Variants in ZSWIM6 observed in about 807,000 individuals in gnomAD.
The protein encoded by ZSWIM6 is zinc finger SWIM-type containing 6.
A neutral mutation model predicts 113.2 loss-of-function variants in ZSWIM6; 9 were observed. The ratio of observed to expected loss-of-function variants is 0.08; its 90% confidence interval spans 0.05 to 0.14. ZSWIM6 has a LOEUF of 0.14. Among genes scored for constraint, ZSWIM6 ranks in the 10% least tolerant of loss-of-function variants. The pLI is 1.00. For missense variants in ZSWIM6, 1,162 were observed against 1,552.2 expected (o/e 0.75, Z 4.22); for synonymous variants, 611 against 606.5 (o/e 1.01, Z -0.11).
chr5:61,355,104 A>C (rs551857491), intron 1 of ZSWIM6, among the ~76,000 whole-genome samples: 1 of 152,244 alleles, frequency 6.6e-6, no homozygotes, highest in South Asian at 2.1e-4. Flanking sequence ...TCACAATTCT[A>C]CTAGCCCCAC....
chr5:61,358,451 A>G (rs1376759615), intron 1 of ZSWIM6, among the ~76,000 whole-genome samples: 2 of 152,206 alleles, frequency 1.3e-5, no homozygotes, highest in African/African-American at 4.8e-5. Flanking sequence ...TTCCCACTTG[A>G]TAGGGAACTG....
At position 61,494,332 on chromosome 5, in the gene ZSWIM6, G is replaced by T; in HGVS notation, c.1255G>T (p.Ala419Ser). 6.4e-7 allele frequency: 1 copy of T among 1,551,138 alleles called. No individual in the cohort carries two copies. The highest frequency in any genetic ancestry group is 8.7e-7 in the Non-Finnish European group (1 of 1,146,606). Residue 419 changes from alanine to serine, a missense_variant, in exon 4 of 14, where the codon GCT becomes TCT. By Grantham distance (99) the Ala-to-Ser change is moderately conservative. Coordinates refer to ENST00000252744, the MANE Select transcript of ZSWIM6 (RefSeq NM_020928.2). Reference protein sequence around the residue: ...MLTLITEQFMADPRLSLWRQQ... With the variant: ...MLTLITEQFMSDPRLSLWRQQ... The stretch of plus-strand genomic sequence containing the variant: ...GACCTTGATAACAGAGCAATTCATG[G>T]CTGACCCTCGCCTGTCACTTTGGCG...
intron 1 of ZSWIM6, among the ~76,000 whole-genome samples, chr5:61,462,927 C>T (rs996812974): frequency 1.3e-5 from 2 of 152,182 alleles, no homozygotes; most frequent in African/African-American, 4.8e-5. Flanking sequence ...CTTGTGCCAT[C>T]CTGCATTCTG....
chr5:61,444,160 A>G (rs1464571093), intron 1 of ZSWIM6, among the ~76,000 whole-genome samples: 1 of 129,220 alleles, frequency 7.7e-6, no homozygotes, highest in Non-Finnish European at 1.5e-5. Flanking sequence ...ATGTGTTCTC[A>G]TTGTTCAATT....
At chr5:61,422,706 A>G (rs1746379572) in intron 1 of ZSWIM6, among the ~76,000 whole-genome samples, 1 of 152,176 alleles carries the variant, frequency 6.6e-6, no homozygotes, top group Non-Finnish European at 1.5e-5. Flanking sequence ...AACATGGAGT[A>G]TATTTCCATT....
intron 1 of ZSWIM6, among the ~76,000 whole-genome samples, chr5:61,449,326 C>T (rs1298315310): frequency 6.6e-6 from 1 of 152,062 alleles, no homozygotes; most frequent in East Asian, 1.9e-4. Flanking sequence ...TGTAATGAAG[C>T]ATTCTTTATT....
At position 61,369,220 on chromosome 5, in the gene ZSWIM6, C is replaced by G. The variant is rs375242757; in HGVS notation, c.676+36272C>G. ...GTGACTTTAATAGCAAATGTAGCAG[C>G]CTTGGTTAACTAAAATGCCTCAGTC... On this transcript the variant is annotated intron_variant, in intron 1 of 13. Transcript: ENST00000252744. Among the ~76,000 whole-genome samples, 17 of 152,234 alleles carry G rather than the reference C, an allele frequency of 1.1e-4. No homozygotes were observed. The East Asian group carries it at 3.1e-3, about 28-fold the overall frequency.
chr5:61,411,966 C>T (rs946247736), intron 1 of ZSWIM6, among the ~76,000 whole-genome samples: 1 of 152,164 alleles, frequency 6.6e-6, no homozygotes. Context: ...TAATCAAAGA[C>T]ATTATAGCTG....
intron 4 of ZSWIM6, among the ~76,000 whole-genome samples, chr5:61,500,343 G>T (rs945912817): frequency 1.3e-5 from 2 of 151,828 alleles, no homozygotes; most frequent in African/African-American, 4.8e-5. Context: ...AACCAGGCTG[G>T]TCTCGAACTC....
chr5:61,389,278 G>A (rs969887319), intron 1 of ZSWIM6, among the ~76,000 whole-genome samples: 2 of 152,038 alleles, frequency 1.3e-5, no homozygotes, highest in Non-Finnish European at 2.9e-5. Flanking sequence ...CAGCTTGGCC[G>A]GGCGCGGTAG....
intron 2 of ZSWIM6, among the ~76,000 whole-genome samples, chr5:61,487,657 G>A (rs942367703): frequency 4.0e-5 from 6 of 151,694 alleles, no homozygotes; most frequent in Admixed American, 2.0e-4. Flanking sequence ...GGTACTTACC[G>A]TAAGTAGGAT....
At chr5:61,542,030 C>T (rs1430691847) in intron 13 of ZSWIM6, 65 bp downstream of exon 13, 4 of 1,398,458 alleles carry the variant, frequency 2.9e-6, no homozygotes, top group Non-Finnish European at 4.0e-6. Context: ...TTGTCAGTTA[C>T]AGACATGTGA....
rs1491156987 is a variant in ZSWIM6, at chr5:61,516,534, CTT to C, written c.1334-4728_1334-4727del. On this transcript the variant is annotated intron_variant, in intron 4 of 13. Transcript: ENST00000252744. ...TTTAACATGGCAAATATATATATAT[CTT>C]ATATATATATATAGTTTATAGATAC... Among the ~76,000 whole-genome samples, 303 of 137,452 alleles carry C rather than the reference CTT, an allele frequency of 2.2e-3. 2 individuals carry two copies. The highest frequency in any genetic ancestry group is 7.2e-3 in the African/African-American group (281 of 38,796). 90.2% of individuals were successfully genotyped at this position (137,452 alleles called of 152,430 possible). A position where few individuals can be genotyped will look rare whatever the true frequency, so the allele number is the denominator to read the frequency against.
chr5:61,393,674 G>T (rs1745777593), intron 1 of ZSWIM6, among the ~76,000 whole-genome samples: 1 of 151,304 alleles, frequency 6.6e-6, no homozygotes, highest in Admixed American at 6.6e-5. Context: ...GGGGGCGGAG[G>T]TTGCAGTGAG....
intron 1 of ZSWIM6, among the ~76,000 whole-genome samples, chr5:61,366,820 T>C (rs375507354): frequency 2.0e-5 from 3 of 151,780 alleles, no homozygotes; most frequent in African/African-American, 4.8e-5. Flanking sequence ...TCCCAGCTAC[T>C]TGGGGGGCTG....
intron 1 of ZSWIM6, among the ~76,000 whole-genome samples, chr5:61,470,592 A>G (rs1747545567): frequency 6.6e-6 from 1 of 152,156 alleles, no homozygotes; most frequent in Non-Finnish European, 1.5e-5. Flanking sequence ...TAGAATATAT[A>G]CTATGTACTC....
intron 7 of ZSWIM6, among the ~76,000 whole-genome samples, chr5:61,528,713 G>A (rs1302557958): frequency 6.6e-6 from 1 of 151,400 alleles, no homozygotes; most frequent in Admixed American, 6.6e-5. Flanking sequence ...TCAACCTCCC[G>A]AGTAGCTGGG....
intron 1 of ZSWIM6, among the ~76,000 whole-genome samples, chr5:61,353,268 T>C (rs1032426136): frequency 6.6e-6 from 1 of 152,196 alleles, no homozygotes; most frequent in Non-Finnish European, 1.5e-5. Flanking sequence ...GCTCAACATA[T>C]TGACCACCTT....
At chr5:61,333,169 G>T (rs1005720476) in intron 1 of ZSWIM6, among the ~76,000 whole-genome samples, 1 of 152,018 alleles carries the variant, frequency 6.6e-6, no homozygotes, top group East Asian at 2.0e-4. Context: ...AGTGGGAAAT[G>T]AATCAGCAGG....
Sources: allele counts gnomAD v4.1 joint callset (sites outside exome capture counted in the v4.1 genomes callset), GRCh38; gene constraint gnomAD v4.1.1; transcripts MANE v1.5; gene names NCBI Gene and HGNC (gene_info 2026-07-23, HGNC 2026-07-21).